Variants in ADGB observed in about 807,000 individuals in gnomAD.
The protein encoded by ADGB is androglobin, also known as calpain-7-like protein.
Under a neutral mutation model 210.5 loss-of-function variants are expected in ADGB, and 172 were observed. The ratio of observed to expected loss-of-function variants is 0.82; its 90% confidence interval spans 0.72 to 0.93. The LOEUF is 0.93. ADGB is among the 40% of genes least tolerant of loss of function. The probability of loss-of-function intolerance (pLI) is 0.00; values close to 1 mark genes in which losing one functional copy is unlikely to be tolerated. For synonymous variants in ADGB, 658 were observed against 662.7 expected (o/e 0.99, Z 0.11); for missense variants, 2,025 against 1,964.8 (o/e 1.03, Z -0.58).
Position 146,764,070 on chromosome 6 carries a change from T to C in ADGB, c.3720T>C (p.Thr1240=), listed in dbSNP as rs754517936. 6.5e-7 allele frequency: 1 copy of C among 1,550,112 alleles called. No individual in the cohort carries two copies. The highest frequency in any genetic ancestry group is 1.4e-5 in the African/African-American group (1 of 72,984). The part of the protein sequence containing the change: ...LVEEETTSTP[T]REDSSSTPLQ... Reference sequence around the variant, plus strand: ...AGGAGGAAACTACCAGTACACCCACTAGAGAAGACAGTTCCAGCACACCAC... The same window carrying C: ...AGGAGGAAACTACCAGTACACCCACCAGAGAAGACAGTTCCAGCACACCAC... The change falls in exon 28 of 36, where the codon ACT becomes ACC. Residue 1240 remains threonine, a synonymous_variant. Transcript: ENST00000397944.
In ADGB at chr6:146,726,174, G is replaced by T; in HGVS notation, c.2329G>T (p.Val777Phe). ...GTCATTTGTCATTGGGGATGAACAC[G>T]TTGTACTGCCCAACTTTGAACCAGT... ...MVSFVIGDEH[V>F]VLPNFEPESC... The change falls in exon 19 of 36, where the codon GTT becomes TTT. Residue 777 changes from valine to phenylalanine, a missense_variant. Coordinates refer to ENST00000397944, the MANE Select transcript of ADGB (RefSeq NM_024694.4). 1.3e-6 allele frequency: 2 copies of T among 1,548,252 alleles called. No homozygotes were observed. The highest frequency in any genetic ancestry group is 2.4e-5 in the South Asian group (2 of 83,892).
At chr6:146,726,681 T>C (rs1776900342) in intron 19 of ADGB, among the ~76,000 whole-genome samples, 1 of 152,244 alleles carries the variant, frequency 6.6e-6, no homozygotes, top group Non-Finnish European at 1.5e-5. Context: ...GTCTGAACCC[T>C]GTAGGTATAC....
rs1269042559 is a variant in ADGB at position 146,784,730 on chromosome 6, G to T, written c.4148G>T (p.Arg1383Met). The stretch of plus-strand genomic sequence containing the variant: ...TTTGAAGTGAAAAAGGATACAGAAA[G>T]GGCAGATGAAATCCGAGCCATGAAA... The part of the protein sequence containing the change: ...ELFEVKKDTE[R>M]ADEIRAMKQA... The change falls in exon 31 of 36, where the codon AGG becomes ATG. Residue 1383 changes from arginine (R) to methionine (M), a missense_variant. Physicochemically the swap from Arg to Met is moderately conservative, Grantham distance 91. Transcript: ENST00000397944. The T allele has an allele frequency of 6.4e-7, 1 of 1,550,976 alleles. No homozygotes were observed. Among genetic ancestry groups the T allele is most frequent in the Non-Finnish European group, 8.7e-7 (1 of 1,146,720 alleles).
At chr6:146,801,504 A>G (rs1778132260) in intron 34 of ADGB, among the ~76,000 whole-genome samples, 1 of 152,206 alleles carries the variant, frequency 6.6e-6, no homozygotes, top group Non-Finnish European at 1.5e-5. Context: ...TGAAAACATC[A>G]TCAAAATTAT....
At chr6:146,801,151 G>T in intron 33 of ADGB, 32 bp from the exon 34 acceptor site, 1 of 1,265,546 alleles carries the variant, frequency 7.9e-7, no homozygotes, top group Non-Finnish European at 1.1e-6. Flanking sequence ...TTAAAGCCTA[G>T]GTTTTTTGTT....
intron 1 of ADGB, among the ~76,000 whole-genome samples, chr6:146,615,992 G>C (rs1373430866): frequency 2.6e-5 from 4 of 152,108 alleles, no homozygotes; most frequent in Admixed American, 6.5e-5. Context: ...ACTCCTTACT[G>C]TTTTTCATAG....
rs1562301421 is a variant in ADGB at position 146,788,611 on chromosome 6, G to GT, written c.4537+2dup. ...CAGAGCACACGGAAGGAAAACATTCGTAAGTATTGCTGTCATTGGTAACAT... is the reference window on the plus strand; with the variant it reads ...CAGAGCACACGGAAGGAAAACATTCGTTAAGTATTGCTGTCATTGGTAACAT... On this transcript the variant is annotated splice_donor_variant, in intron 33 of 35. Transcript: ENST00000397944. LOFTEE classifies it high-confidence loss of function. 10 of 1,550,218 alleles carry GT rather than the reference G, an allele frequency of 6.5e-6. No homozygotes were observed. Among genetic ancestry groups the GT allele is most frequent in the Non-Finnish European group, 8.7e-6 (10 of 1,145,848 alleles).
At chr6:146,629,380 A>G (rs1233248905) in intron 1 of ADGB, among the ~76,000 whole-genome samples, 1 of 152,156 alleles carries the variant, frequency 6.6e-6, no homozygotes, top group African/African-American at 2.4e-5. Flanking sequence ...TAGGTGATCT[A>G]TTGGGCTAGT....
chr6:146,674,420 T>C (rs1026711213), intron 8 of ADGB, among the ~76,000 whole-genome samples: 2 of 152,112 alleles, frequency 1.3e-5, no homozygotes, highest in Non-Finnish European at 2.9e-5. Flanking sequence ...ATATGTTTTC[T>C]GAGAAGAAGG....
In ADGB at chr6:146,788,423, C is replaced by T; in HGVS notation, c.4350C>T (p.Asn1450=). The change falls in exon 33 of 36, where the codon AAC becomes AAT. Residue 1450 remains asparagine (N), a synonymous_variant. Transcript: ENST00000397944. ...CTGCACGTGGCGTAAAAGAACCAAACTCAAAGAATTCTGCAGGTTCAGAGA... is the reference window on the plus strand; with the variant it reads ...CTGCACGTGGCGTAAAAGAACCAAATTCAAAGAATTCTGCAGGTTCAGAGA... ...ETAARGVKEP[N]SKNSAGSESK... The T allele has an allele frequency of 6.4e-7, 1 of 1,551,540 alleles. No individual in the cohort carries two copies. The highest frequency in any genetic ancestry group is 8.7e-7 in the Non-Finnish European group (1 of 1,146,914).
In ADGB at chr6:146,772,592, T is replaced by G. The variant is rs1359285445; in HGVS notation, c.3862+3461T>G. Among the ~76,000 whole-genome samples the G allele has an allele frequency of 2.0e-5, 3 of 147,362 alleles. No individual in the cohort carries two copies. The East Asian group carries it at 5.9e-4, about 29-fold the overall frequency. ...GCTGTATTATGGTTTTTTCCTATAT[T>G]AATATGTAATTATATAATATATATT... is the stretch of plus-strand genomic sequence containing the variant. On this transcript the variant is annotated intron_variant, in intron 29 of 35. Transcript: ENST00000397944.
intron 20 of ADGB, among the ~76,000 whole-genome samples, chr6:146,732,289 C>A (rs903631558): frequency 3.3e-5 from 5 of 152,128 alleles, no homozygotes; most frequent in African/African-American, 1.2e-4. Context: ...GGAGTCAATT[C>A]TTGTAAGGAA....
intron 22 of ADGB, 69 bp downstream of exon 22, chr6:146,734,099 A>G: frequency 1.4e-5 from 21 of 1,473,694 alleles, no homozygotes; most frequent in Non-Finnish European, 1.3e-5. Context: ...TGTGTTAATG[A>G]AAGTATTTTG....
chr6:146,748,823 A>T (rs1463639975), intron 26 of ADGB, among the ~76,000 whole-genome samples: 4 of 151,990 alleles, frequency 2.6e-5, no homozygotes, highest in Non-Finnish European at 4.4e-5. Flanking sequence ...CAAGCAATCC[A>T]CCTGCCTTGG....
chr6:146,635,199 T>A (rs1414433551), intron 1 of ADGB, among the ~76,000 whole-genome samples, 176 bp from the exon 2 acceptor site: 1 of 152,058 alleles, frequency 6.6e-6, no homozygotes, highest in African/African-American at 2.4e-5. Context: ...TTTGGGGTTA[T>A]TTTAGTCTTT....
intron 1 of ADGB, among the ~76,000 whole-genome samples, chr6:146,610,316 C>T (rs1354229786): frequency 6.6e-6 from 1 of 152,112 alleles, no homozygotes; most frequent in Admixed American, 6.5e-5. Flanking sequence ...TGTTACCATC[C>T]AGATGCTGAA....
Position 146,778,830 on chromosome 6 carries a change from G to C in ADGB, c.3863-3190G>C, listed in dbSNP as rs1777757228. ...AGGTTTGGATAGAAAATAAATCCTGGAGAATGGCAGTGAAAATGGCAGGGT... is the reference window on the plus strand; with the variant it reads ...AGGTTTGGATAGAAAATAAATCCTGCAGAATGGCAGTGAAAATGGCAGGGT... On this transcript the variant is annotated intron_variant, in intron 29 of 35. Coordinates refer to ENST00000397944, the MANE Select transcript of ADGB (RefSeq NM_024694.4). 2.6e-5 allele frequency among the ~76,000 whole-genome samples: 4 copies of C among 152,104 alleles called. No individual in the cohort carries two copies. The South Asian group carries it at 8.3e-4, about 32-fold the overall frequency.
At chr6:146,677,346 G>C (rs1776099111) in intron 9 of ADGB, among the ~76,000 whole-genome samples, 1 of 151,996 alleles carries the variant, frequency 6.6e-6, no homozygotes, top group African/African-American at 2.4e-5. Context: ...TTATTAGCTA[G>C]TCAAAAATAT....
intron 29 of ADGB, among the ~76,000 whole-genome samples, chr6:146,779,636 G>A (rs1777771168): frequency 6.6e-6 from 1 of 151,764 alleles, no homozygotes; most frequent in Non-Finnish European, 1.5e-5. Context: ...CATCTAGGGA[G>A]ACCAGAAGCC....
Sources: allele counts gnomAD v4.1 joint callset (sites outside exome capture counted in the v4.1 genomes callset), GRCh38; gene constraint gnomAD v4.1.1; transcripts MANE v1.5; gene names NCBI Gene and HGNC (gene_info 2026-07-23, HGNC 2026-07-21).